Variants in CMA1 observed in about 807,000 individuals in gnomAD.
The protein encoded by CMA1 is chymase.
In CMA1, 24 loss-of-function variants were observed where a neutral mutation model predicts 18.8. The ratio of observed to expected loss-of-function variants is 1.28; its 90% confidence interval spans 0.92 to 1.80. CMA1 has a LOEUF of 1.80. Ranked by LOEUF, CMA1 falls within the 40% of genes most tolerant of loss-of-function variation. CMA1 has a pLI of 0.00. For missense variants in CMA1, 421 were observed against 302.8 expected (o/e 1.39, Z -2.90); for synonymous variants, 152 against 117.0 (o/e 1.30, Z -1.93).
At chr14:24,507,589 G>A in intron 1 of CMA1, 83 bp from the exon 2 acceptor site, 1 of 1,481,538 alleles carries the variant, frequency 6.7e-7, no homozygotes, top group Non-Finnish European at 9.2e-7. Context: ...AGCTGAGCTA[G>A]GCTTCCCTGG....
chr14:24,505,363 C>G lies in CMA1; in HGVS notation c.*153G>C, dbSNP rs573210615. ...CTCACGACTAGAAGCTGTGTCTTCA[C>G]TGAGGTTTATTGAGAGTTCTGTGAC... On this transcript the variant is annotated 3_prime_UTR_variant, in exon 5 of 5. Transcript: ENST00000250378. The G allele has an allele frequency of 4.4e-5, 40 of 914,082 alleles. No homozygotes were observed. In the South Asian group the frequency reaches 5.7e-4, roughly 13 times the overall value. The allele number at this position is 914,082 out of a possible 1,614,324, so 56.6% of individuals were successfully genotyped here. A position where few individuals can be genotyped will look rare whatever the true frequency, so the allele number is the denominator to read the frequency against.
rs148274161 is a variant in CMA1 at position 24,506,029 on chromosome 14, T to C, written c.599A>G (p.Lys200Arg). 427 of 1,613,958 alleles carry C rather than the reference T, an allele frequency of 2.6e-4. No individual in the cohort carries two copies. The highest frequency in any genetic ancestry group is 3.5e-4 in the Non-Finnish European group (411 of 1,179,972). Residue 200 changes from lysine (K) to arginine (R), a missense_variant and splice_region_variant, in exon 4 of 5, where the codon AAG (lysine) becomes AGG (arginine). Physicochemically the swap from Lys to Arg is conservative, Grantham distance 26. Coordinates refer to ENST00000250378, the MANE Select transcript of CMA1 (RefSeq NM_001836.5). ...GAGGAAACCTAGTTGGAGGATCACCTTAAATGCAGATTTTGTCTTCCTGGG... is the reference window on the plus strand; with the variant it reads ...GAGGAAACCTAGTTGGAGGATCACCCTAAATGCAGATTTTGTCTTCCTGGG... ...GNPRKTKSAF[K>R]GDSGGPLLCA...
chr14:24,505,801 C>A, intron 4 of CMA1, 142 bp from the exon 5 acceptor site: 1 of 1,183,114 alleles, frequency 8.5e-7, no homozygotes, highest in East Asian at 2.4e-5. Flanking sequence ...TCTGATGCCC[C>A]TTCTTCCTTT....
At position 24,506,456 on chromosome 14, in the gene CMA1, G is replaced by A. The variant is rs745954007; in HGVS notation, c.345+13C>T. On this transcript the variant is annotated intron_variant, in intron 3 of 4. Coordinates refer to ENST00000250378, the MANE Select transcript of CMA1 (RefSeq NM_001836.5). Reference sequence around the variant, plus strand: ...GAATGGGAAGTGGAAAGGGAGAAGAGAGGTGTTGTCACCTTTAGTAACATG... The same window carrying A: ...GAATGGGAAGTGGAAAGGGAGAAGAAAGGTGTTGTCACCTTTAGTAACATG... 2.6e-5 allele frequency: 42 copies of A among 1,613,864 alleles called. No individual in the cohort carries two copies. The highest frequency in any genetic ancestry group is 3.6e-5 in the Non-Finnish European group (42 of 1,179,934).
In CMA1 at chr14:24,506,590, G is replaced by T. The variant is rs764282767; in HGVS notation, c.224C>A (p.Thr75Asn). ...CTCTGTTATGTTATGGGCTCCAAGGGTGACTGTTATAGACCTGTTGTGAGG... is the reference window on the plus strand; with the variant it reads ...CTCTGTTATGTTATGGGCTCCAAGGTTGACTGTTATAGACCTGTTGTGAGG... The part of the protein sequence containing the change: ...AHCAGRSITV[T>N]LGAHNITEEE... Residue 75 changes from threonine (T) to asparagine (N), a missense_variant, in exon 3 of 5, where the codon ACC becomes AAC. Physicochemically the swap from Thr to Asn is moderately conservative, Grantham distance 65. Transcript: ENST00000250378. The T allele has an allele frequency of 2.5e-6, 4 of 1,614,120 alleles. No individual in the cohort carries two copies. The highest frequency in any genetic ancestry group is 1.7e-5 in the Admixed American group (1 of 60,014).
At chr14:24,508,093 T>A in intron 1 of CMA1, 85 bp downstream of exon 1, 1 of 1,311,154 alleles carries the variant, frequency 7.6e-7, no homozygotes, top group East Asian at 2.4e-5. Flanking sequence ...GGAACCCTGT[T>A]TAGGAGTCAG....
In CMA1 at chr14:24,507,424, G is replaced by A; in HGVS notation, c.141C>T (p.Pro47=). The A allele has an allele frequency of 6.2e-7, 1 of 1,614,186 alleles. No individual in the cohort carries two copies. The highest frequency in any genetic ancestry group is 8.5e-7 in the Non-Finnish European group (1 of 1,180,034). Residue 47 remains proline, a synonymous_variant, in exon 2 of 5, where the codon CCC becomes CCT. Coordinates refer to ENST00000250378, the MANE Select transcript of CMA1 (RefSeq NM_001836.5). ...AYLEIVTSNG[P]SKFCGGFLIR... ...TAAGGAAACCACCACAAAATTTTGA[G>A]GGACCGTTGGAAGTTACAATTTCCA... is the stretch of plus-strand genomic sequence containing the variant.
rs183530742 is a variant in CMA1 at position 24,507,499 on chromosome 14, G to T, written c.66C>A (p.Ile22=). 3 of 1,613,418 alleles carry T rather than the reference G, an allele frequency of 1.9e-6. No homozygotes were observed. In the East Asian group the frequency reaches 6.7e-5, roughly 36 times the overall value. Residue 22 remains isoleucine, a synonymous_variant, in exon 2 of 5, where the codon ATC becomes ATA. Transcript: ENST00000250378. ...LLCSRAEAGE[I]IGGTECKPHS... is the part of the protein sequence containing the mutation. ...GTGGCTTGCATTCTGTGCCCCCGAT[G>T]ATCTCCCCTGGAACAGAGCACCCCA...
chr14:24,505,461 T>C lies in CMA1; in HGVS notation c.*55A>G. The C allele has an allele frequency of 6.2e-7, 1 of 1,611,830 alleles. No individual in the cohort carries two copies. The highest frequency in any genetic ancestry group is 8.5e-7 in the Non-Finnish European group (1 of 1,178,490). ...GTAGACCAGAATGAGTGGCACACACTTTGCTGCTCAGGTCCAGTTCCAGCT... is the reference window on the plus strand; with the variant it reads ...GTAGACCAGAATGAGTGGCACACACCTTGCTGCTCAGGTCCAGTTCCAGCT... On this transcript the variant is annotated 3_prime_UTR_variant, in exon 5 of 5. Coordinates refer to ENST00000250378, the MANE Select transcript of CMA1 (RefSeq NM_001836.5).
Position 24,506,070 on chromosome 14 carries a change from C to G in CMA1, c.558G>C (p.Gln186His), listed in dbSNP as rs567503555. 6.2e-7 allele frequency: 1 copy of G among 1,614,228 alleles called. No individual in the cohort carries two copies. Among genetic ancestry groups the G allele is most frequent in the African/African-American group, 1.3e-5 (1 of 75,064 alleles). ...SHFRDFDHNLQLCVGNPRKTK... is the reference protein window; with the variant it reads ...SHFRDFDHNLHLCVGNPRKTK... ...TCTTCCTGGGATTGCCCACACACAG[C>G]TGAAGATTGTGGTCAAAGTCTCTGA... The change falls in exon 4 of 5, where the codon CAG becomes CAC. Residue 186 changes from glutamine to histidine, a missense_variant. Coordinates refer to ENST00000250378, the MANE Select transcript of CMA1 (RefSeq NM_001836.5).
Position 24,505,446 on chromosome 14 carries a change from A to G in CMA1, c.*70T>C. On this transcript the variant is annotated 3_prime_UTR_variant, in exon 5 of 5. Coordinates refer to ENST00000250378, the MANE Select transcript of CMA1 (RefSeq NM_001836.5). ...GCTGAGGGACCAAGGGTAGACCAGA[A>G]TGAGTGGCACACACTTTGCTGCTCA... is the stretch of plus-strand genomic sequence containing the variant. The G allele has an allele frequency of 3.1e-6, 5 of 1,602,298 alleles. No homozygotes were observed. Among genetic ancestry groups the G allele is most frequent in the Non-Finnish European group, 4.3e-6 (5 of 1,170,290 alleles).
At chr14:24,507,195 C>T (rs1441129846) in intron 2 of CMA1, among the ~76,000 whole-genome samples, 161 bp downstream of exon 2, 2 of 152,214 alleles carry the variant, frequency 1.3e-5, no homozygotes, top group African/African-American at 2.4e-5. Flanking sequence ...GCTCAAGGAA[C>T]TATTCAAACA....
chr14:24,506,449 G>A lies in CMA1; in HGVS notation c.345+20C>T. The A allele has an allele frequency of 6.2e-7, 1 of 1,613,724 alleles. No individual in the cohort carries two copies. The highest frequency in any genetic ancestry group is 1.7e-4 in the Middle Eastern group (1 of 6,058). ...CTTAGGAGAATGGGAAGTGGAAAGG[G>A]AGAAGAGAGGTGTTGTCACCTTTAG... On this transcript the variant is annotated intron_variant, in intron 3 of 4. Coordinates refer to ENST00000250378, the MANE Select transcript of CMA1 (RefSeq NM_001836.5).
At chr14:24,506,347 G>T (rs1437780267) in intron 3 of CMA1, 65 bp from the exon 4 acceptor site, 52 of 1,594,286 alleles carry the variant, frequency 3.3e-5, no homozygotes, top group Non-Finnish European at 4.2e-5. Context: ...GGTGATCAGG[G>T]AGGGACAGGG....
At position 24,506,212 on chromosome 14, in the gene CMA1, G is replaced by A. The variant is rs2043854034; in HGVS notation, c.416C>T (p.Pro139Leu). The change falls in exon 4 of 5, where the codon CCA becomes CTA. Residue 139 changes from proline (P) to leucine (L), a missense_variant. By Grantham distance (98) the Pro-to-Leu change is moderately conservative (BLOSUM62 -3). Coordinates refer to ENST00000250378, the MANE Select transcript of CMA1 (RefSeq NM_001836.5). ...LPFPSQFNFV[P>L]PGRMCRVAGW... ...AGCCACCCGGCACATTCTCCCAGGTGGGACAAAGTTGAATTGGGATGGGAA... is the reference window on the plus strand; with the variant it reads ...AGCCACCCGGCACATTCTCCCAGGTAGGACAAAGTTGAATTGGGATGGGAA... 6.2e-7 allele frequency: 1 copy of A among 1,614,148 alleles called. No homozygotes were observed. The highest frequency in any genetic ancestry group is 8.5e-7 in the Non-Finnish European group (1 of 1,180,026).
intron 4 of CMA1, 109 bp from the exon 5 acceptor site, chr14:24,505,768 A>G: frequency 7.3e-7 from 1 of 1,370,708 alleles, no homozygotes. Context: ...CAGGAGGTGG[A>G]GCTCCTCACT....
chr14:24,507,531 G>A (rs1230727120), intron 1 of CMA1, 25 bp from the exon 2 acceptor site: 1 of 1,602,982 alleles, frequency 6.2e-7, no homozygotes, highest in Non-Finnish European at 8.5e-7. Context: ...CCCAGGGTTT[G>A]AACACGGCCA....
Position 24,506,073 on chromosome 14 carries a change from A to G in CMA1, c.555T>C (p.Leu185=). 6.2e-7 allele frequency: 1 copy of G among 1,614,182 alleles called. No individual in the cohort carries two copies. Among genetic ancestry groups the G allele is most frequent in the South Asian group, 1.1e-5 (1 of 91,088 alleles). The part of the protein sequence containing the change: ...CSHFRDFDHN[L]QLCVGNPRKT... ...TCCTGGGATTGCCCACACACAGCTG[A>G]AGATTGTGGTCAAAGTCTCTGAAGT... Residue 185 remains leucine (L), a synonymous_variant, in exon 4 of 5, where the codon CTT becomes CTC. Coordinates refer to ENST00000250378, the MANE Select transcript of CMA1 (RefSeq NM_001836.5).
rs1429605331 is a variant in CMA1 at position 24,507,504 on chromosome 14, C to T, written c.61G>A (p.Glu21Lys). The T allele has an allele frequency of 1.2e-6, 2 of 1,612,774 alleles. No individual in the cohort carries two copies. The highest frequency in any genetic ancestry group is 1.7e-4 in the Middle Eastern group (1 of 5,986). Residue 21 changes from glutamate (E) to lysine (K), a missense_variant and splice_region_variant, in exon 2 of 5, where the codon GAG becomes AAG. Coordinates refer to ENST00000250378, the MANE Select transcript of CMA1 (RefSeq NM_001836.5). The stretch of plus-strand genomic sequence containing the variant: ...TTGCATTCTGTGCCCCCGATGATCT[C>T]CCCTGGAACAGAGCACCCCAGGGTT... ...FLLCSRAEAGEIIGGTECKPH... is the reference protein window; with the variant it reads ...FLLCSRAEAGKIIGGTECKPH...
Sources: gnomAD v4.1 joint callset for allele counts (sites outside exome capture counted in the v4.1 genomes callset) on GRCh38, gnomAD v4.1.1 for gene constraint, MANE v1.5 for transcripts, NCBI Gene and HGNC (gene_info 2026-07-23, HGNC 2026-07-21) for gene names.